Variants in BMPR1B observed in about 807,000 individuals in gnomAD.
The protein encoded by BMPR1B is bone morphogenetic protein receptor type-1B.
Under a neutral mutation model 59.1 loss-of-function variants are expected in BMPR1B, and 12 were observed. That is an observed-to-expected ratio of 0.20 (90% CI 0.13 to 0.33). BMPR1B has a LOEUF of 0.33. Ranked by LOEUF, BMPR1B falls within the 10% of genes least tolerant of loss-of-function variation. The pLI is 1.00. For synonymous variants in BMPR1B, 237 were observed against 207.3 expected (o/e 1.14, Z -1.23); for missense variants, 550 against 610.9 (o/e 0.90, Z 1.05).
At chr4:95,099,884 C>T (rs1017268432) in intron 3 of BMPR1B, among the ~76,000 whole-genome samples, 2 of 152,198 alleles carry the variant, frequency 1.3e-5, no homozygotes, top group South Asian at 2.1e-4. Flanking sequence ...CTACTACATA[C>T]GTACATATTC....
chr4:94,785,925 A>G (rs887425555), intron 1 of BMPR1B, among the ~76,000 whole-genome samples: 4 of 152,164 alleles, frequency 2.6e-5, no homozygotes, highest in Non-Finnish European at 4.4e-5. Context: ...TCTGGATTCT[A>G]TATAGTGACC....
chr4:95,143,518 T>G (rs1357995751), intron 10 of BMPR1B, among the ~76,000 whole-genome samples: 1 of 152,158 alleles, frequency 6.6e-6, no homozygotes, highest in East Asian at 1.9e-4. Flanking sequence ...TACAGAACTG[T>G]CACTTTGTTA....
At chr4:94,820,058 A>G (rs1420112796) in intron 1 of BMPR1B, among the ~76,000 whole-genome samples, 1 of 152,170 alleles carries the variant, frequency 6.6e-6, no homozygotes, top group Non-Finnish European at 1.5e-5. Flanking sequence ...TGAATTTATT[A>G]TCAGTCTCAA....
chr4:94,767,630 A>G (rs544848935), intron 1 of BMPR1B, among the ~76,000 whole-genome samples: 1 of 152,270 alleles, frequency 6.6e-6, no homozygotes, highest in Non-Finnish European at 1.5e-5. Context: ...AAACCATACT[A>G]CACTGTTTAA....
At chr4:95,086,219 A>G (rs1232382707) in intron 3 of BMPR1B, among the ~76,000 whole-genome samples, 1 of 152,082 alleles carries the variant, frequency 6.6e-6, no homozygotes, top group Non-Finnish European at 1.5e-5. Context: ...TCTTGTCCCT[A>G]TTTTTTAAAA....
chr4:95,069,307 A>G (rs1237738350), intron 3 of BMPR1B, among the ~76,000 whole-genome samples: 2 of 152,148 alleles, frequency 1.3e-5, no homozygotes, highest in African/African-American at 2.4e-5. Flanking sequence ...TCAGAGTAGA[A>G]GTTTTCAGAA....
At chr4:94,794,651 G>A (rs1365185973) in intron 1 of BMPR1B, among the ~76,000 whole-genome samples, 2 of 151,254 alleles carry the variant, frequency 1.3e-5, no homozygotes, top group East Asian at 3.9e-4. Context: ...CTACCCATGA[G>A]CATGGAATGT....
intron 2 of BMPR1B, among the ~76,000 whole-genome samples, chr4:94,991,011 G>A (rs1331380138): frequency 2.0e-5 from 3 of 152,000 alleles, no homozygotes; most frequent in Non-Finnish European, 2.9e-5. Flanking sequence ...CATAAAATTT[G>A]TCCTTTTAAA....
intron 10 of BMPR1B, among the ~76,000 whole-genome samples, chr4:95,139,756 G>A (rs569437273): frequency 1.8e-4 from 28 of 152,256 alleles, no homozygotes; most frequent in African/African-American, 6.5e-4. Context: ...ATAATCTCCT[G>A]GTGTGCCGTT....
intron 2 of BMPR1B, among the ~76,000 whole-genome samples, chr4:94,968,967 GT>G (rs1730668125): frequency 6.6e-6 from 1 of 151,728 alleles, no homozygotes; most frequent in South Asian, 2.1e-4. Flanking sequence ...GCTTTACCCT[GT>G]TCCTTTTTTG....
At chr4:95,096,053 T>G (rs371740463) in intron 3 of BMPR1B, among the ~76,000 whole-genome samples, 193 of 136,882 alleles carry the variant, frequency 1.4e-3, no homozygotes, top group African/African-American at 4.7e-3. Flanking sequence ...TGCATTTTGT[T>G]TTTTCTGCAA....
intron 1 of BMPR1B, among the ~76,000 whole-genome samples, chr4:94,769,095 T>TA (rs1361692140): frequency 6.6e-6 from 1 of 152,246 alleles, no homozygotes; most frequent in Admixed American, 6.5e-5. Context: ...CACCCTGACT[T>TA]ACTCTAATTC....
chr4:95,009,418 T>C (rs1329877933), intron 3 of BMPR1B, among the ~76,000 whole-genome samples: 4 of 152,148 alleles, frequency 2.6e-5, no homozygotes, highest in Non-Finnish European at 4.4e-5. Context: ...GAAAATATTT[T>C]ATACAGTGGA....
intron 3 of BMPR1B, among the ~76,000 whole-genome samples, chr4:95,033,030 T>C (rs532219783): frequency 1.3e-5 from 2 of 152,172 alleles, no homozygotes; most frequent in Non-Finnish European, 2.9e-5. Flanking sequence ...TGAGGTAGTA[T>C]CTCATTGTGG....
Position 94,887,877 on chromosome 4 carries a change from G to A in BMPR1B, c.-113+11977G>A, listed in dbSNP as rs1214506395. On this transcript the variant is annotated intron_variant, in intron 2 of 12. Coordinates refer to ENST00000515059, the MANE Select transcript of BMPR1B (RefSeq NM_001203.3). Reference sequence around the variant, plus strand: ...AATTTTTCAGAAATAGAAAAAAATCGGAATCCCTATATATTGAAAGAGCTT... The same window carrying A: ...AATTTTTCAGAAATAGAAAAAAATCAGAATCCCTATATATTGAAAGAGCTT... Among the ~76,000 whole-genome samples, 9 of 151,868 alleles carry A rather than the reference G, an allele frequency of 5.9e-5. No homozygotes were observed. In the East Asian group the frequency reaches 7.7e-4, roughly 13 times the overall value.
chr4:94,848,678 G>A (rs987839526), intron 1 of BMPR1B, among the ~76,000 whole-genome samples: 3 of 152,170 alleles, frequency 2.0e-5, no homozygotes, highest in African/African-American at 7.2e-5. Context: ...TATCATTGAT[G>A]ATTCTGGCTG....
At chr4:95,050,482 CATT>C (rs1309000040) in intron 3 of BMPR1B, among the ~76,000 whole-genome samples, 5 of 151,914 alleles carry the variant, frequency 3.3e-5, no homozygotes, top group Admixed American at 6.6e-5. Context: ...ACAAAAAAAA[CATT>C]GTTGGGTTTC....
At chr4:95,127,077 GTA>G (rs1732960283) in intron 8 of BMPR1B, among the ~76,000 whole-genome samples, 2 of 68,866 alleles carry the variant, frequency 2.9e-5, no homozygotes, top group Non-Finnish European at 7.7e-5. Flanking sequence ...TGTGTTCTGT[GTA>G]TGTCTTCTCA....
At chr4:95,097,104 TATA>T in intron 3 of BMPR1B, among the ~76,000 whole-genome samples, 1 of 136,088 alleles carries the variant, frequency 7.3e-6, no homozygotes, top group Non-Finnish European at 1.5e-5. Flanking sequence ...TATAGTTATA[TATA>T]AAACTATAAT....
Sources: gnomAD v4.1 joint callset for allele counts (sites outside exome capture counted in the v4.1 genomes callset) on GRCh38, gnomAD v4.1.1 for gene constraint, MANE v1.5 for transcripts, NCBI Gene and HGNC (gene_info 2026-07-23, HGNC 2026-07-21) for gene names.